STX6: variants seen among roughly 807,000 people sequenced by gnomAD.
The protein encoded by STX6 is syntaxin 6, also known as syntaxin-6.
STX6 carries 23 observed loss-of-function variants against 38.0 expected under a neutral mutation model. The ratio of observed to expected loss-of-function variants is 0.60; its 90% CI spans 0.43 to 0.86. The LOEUF (loss-of-function observed/expected upper bound fraction) is 0.86. Ranked by LOEUF, STX6 falls within the 40% of genes least tolerant of loss-of-function variation. STX6 has a pLI of 0.00. For synonymous variants in STX6, 123 were observed against 107.5 expected (o/e 1.14, Z -0.89); for missense variants, 274 against 312.9 (o/e 0.88, Z 0.94).
At chr1:181,005,063 TTA>T (rs368308542) in intron 2 of STX6, among the ~76,000 whole-genome samples, 3 of 150,622 alleles carry the variant, frequency 2.0e-5, no homozygotes, top group Admixed American at 6.6e-5. Flanking sequence ...TATGCTGCCT[TTA>T]TATATATATA....
intron 7 of STX6, among the ~76,000 whole-genome samples, chr1:180,981,651 G>A (rs1655419507): frequency 6.6e-6 from 1 of 152,134 alleles, no homozygotes; most frequent in East Asian, 1.9e-4. Context: ...TCACCAAGGA[G>A]AAGCATATAC....
intron 3 of STX6, among the ~76,000 whole-genome samples, chr1:181,002,306 T>C (rs960360666): frequency 6.6e-6 from 1 of 151,936 alleles, no homozygotes. Flanking sequence ...TGCACCACCA[T>C]GCCCAGCTAA....
At chr1:180,982,273 C>T (rs1655438302) in intron 7 of STX6, among the ~76,000 whole-genome samples, 1 of 152,070 alleles carries the variant, frequency 6.6e-6, no homozygotes, top group Non-Finnish European at 1.5e-5. Flanking sequence ...AGAGCAGAGA[C>T]GAATACAAAT....
chr1:180,994,207 T>C (rs1353093296), intron 3 of STX6, among the ~76,000 whole-genome samples: 1 of 152,252 alleles, frequency 6.6e-6, no homozygotes, highest in African/African-American at 2.4e-5. Context: ...CAACAACAGT[T>C]TTTAAAAGGT....
At chr1:181,021,090 T>C (rs887352785) in intron 1 of STX6, among the ~76,000 whole-genome samples, 1 of 152,058 alleles carries the variant, frequency 6.6e-6, no homozygotes, top group Non-Finnish European at 1.5e-5. Context: ...GAGCAAGCAT[T>C]AGTAGACTGT....
chr1:181,015,702 C>G (rs956434326), intron 1 of STX6, among the ~76,000 whole-genome samples: 2 of 150,496 alleles, frequency 1.3e-5, no homozygotes, highest in African/African-American at 4.9e-5. Flanking sequence ...GAGTTTTGCA[C>G]TGTCACCAGG....
At chr1:181,009,221 T>C (rs952427012) in intron 1 of STX6, among the ~76,000 whole-genome samples, 1 of 152,128 alleles carries the variant, frequency 6.6e-6, no homozygotes, top group South Asian at 2.1e-4. Flanking sequence ...AATCACAGCA[T>C]GTTGGGAGGC....
Position 180,990,056 on chromosome 1 carries a change from T to C in STX6, c.417A>G (p.Lys139=). ...SQNWSTGTTD[K]YGRLDRELQR... is the part of the protein sequence containing the mutation. ...GGAGCTCTCGGTCCAGACGCCCATA[T>C]TTATCTGTTGTTCCAGTGCTCCAGT... Residue 139 remains lysine, a synonymous_variant, in exon 5 of 8, where the codon AAA becomes AAG. Transcript: ENST00000258301. The C allele has an allele frequency of 1.2e-6, 2 of 1,614,146 alleles. No individual in the cohort carries two copies. Among genetic ancestry groups the C allele is most frequent in the Non-Finnish European group, 1.7e-6 (2 of 1,180,022 alleles).
chr1:181,007,035 A>G (rs956936851), intron 1 of STX6, among the ~76,000 whole-genome samples: 14 of 152,316 alleles, frequency 9.2e-5, no homozygotes, highest in African/African-American at 2.6e-4. Flanking sequence ...GTGAAAATCT[A>G]CTTTCTTTAC....
chr1:181,006,207 T>C (rs112334264), intron 1 of STX6, among the ~76,000 whole-genome samples: 2,057 of 151,890 alleles, frequency 0.014, 53 homozygotes, highest in African/African-American at 0.047. Context: ...GGATTACAGG[T>C]GCCCGCCACC....
Position 180,989,974 on chromosome 1 carries a change from C to T in STX6, c.489+10G>A, listed in dbSNP as rs756396561. 1.6e-5 allele frequency: 26 copies of T among 1,613,246 alleles called. No individual in the cohort carries two copies. The highest frequency in any genetic ancestry group is 2.2e-5 in the Non-Finnish European group (26 of 1,179,968). On this transcript the variant is annotated intron_variant, in intron 5 of 7. Coordinates refer to ENST00000258301, the MANE Select transcript of STX6 (RefSeq NM_005819.6). The stretch of plus-strand genomic sequence containing the variant: ...ACTGGCCCGTCCTAAGTCTGGGGTC[C>T]TTGGGGTACCTGCTGCTGTGCCTGC...
intron 4 of STX6, 104 bp downstream of exon 4, chr1:180,993,259 C>T (rs1655803899): frequency 5.5e-6 from 4 of 726,692 alleles, no homozygotes; most frequent in Non-Finnish European, 9.6e-6. Flanking sequence ...AAGCAGAAGT[C>T]TTCCTCTTGA....
Position 180,976,626 on chromosome 1 carries a change from T to C in STX6, c.712A>G (p.Ile238Val). Residue 238 changes from isoleucine (I) to valine (V), a missense_variant, in exon 8 of 8, where the codon ATA becomes GTA. Ile to Val is a conservative substitution (Grantham distance 29). Coordinates refer to ENST00000258301, the MANE Select transcript of STX6 (RefSeq NM_005819.6). ...MTSDRRQWCA[I>V]AILFAVLLVV... ...AACAGGACTGCAAAGAGGATGGCTA[T>C]GGCACACCATTGGCGCCGATCTGGA... is the stretch of plus-strand genomic sequence containing the variant. The C allele has an allele frequency of 1.9e-6, 3 of 1,613,654 alleles. No individual in the cohort carries two copies. Among genetic ancestry groups the C allele is most frequent in the Non-Finnish European group, 2.5e-6 (3 of 1,180,022 alleles).
At chr1:180,994,477 T>A (rs1432534099) in intron 3 of STX6, among the ~76,000 whole-genome samples, 2 of 152,210 alleles carry the variant, frequency 1.3e-5, no homozygotes, top group Non-Finnish European at 2.9e-5. Flanking sequence ...GGAGTTCACA[T>A]CATGATGACA....
intron 3 of STX6, among the ~76,000 whole-genome samples, chr1:180,999,856 T>C (rs999546974): frequency 7.2e-5 from 11 of 152,220 alleles, no homozygotes; most frequent in African/African-American, 2.2e-4. Context: ...CTTCATTTCA[T>C]CTCATTTTCC....
At chr1:181,003,832 G>C (rs1475204438) in intron 2 of STX6, among the ~76,000 whole-genome samples, 1 of 152,224 alleles carries the variant, frequency 6.6e-6, no homozygotes, top group African/African-American at 2.4e-5. Context: ...GCATGAGTCA[G>C]ATCAGTGGAC....
chr1:181,013,102 C>G (rs999628922), intron 1 of STX6, among the ~76,000 whole-genome samples: 2 of 151,216 alleles, frequency 1.3e-5, no homozygotes, highest in Non-Finnish European at 2.9e-5. Flanking sequence ...CAATATGGTA[C>G]ATCACCAAAC....
chr1:180,986,012 T>C (rs1236603750), intron 6 of STX6, among the ~76,000 whole-genome samples: 3 of 152,260 alleles, frequency 2.0e-5, no homozygotes, highest in African/African-American at 7.2e-5. Context: ...TCATTTTAGA[T>C]CCTGGCAGCA....
chr1:180,994,218 C>T lies in STX6; in HGVS notation c.301-793G>A, dbSNP rs556763502. Among the ~76,000 whole-genome samples the T allele has an allele frequency of 4.6e-5, 7 of 152,180 alleles. No homozygotes were observed. The East Asian group carries it at 9.6e-4, about 21-fold the overall frequency. On this transcript the variant is annotated intron_variant, in intron 3 of 7. Transcript: ENST00000258301. ...ACTGCAACAACAGTTTTTAAAAGGT[C>T]GTCAAAATATAATTTATGCAAACAT... is the stretch of plus-strand genomic sequence containing the variant.
Sources: allele counts gnomAD v4.1 joint callset (sites outside exome capture counted in the v4.1 genomes callset), GRCh38; gene constraint gnomAD v4.1.1; transcripts MANE v1.5; gene names NCBI Gene and HGNC (gene_info 2026-07-23, HGNC 2026-07-21).